Variants in POLR3B observed in about 807,000 individuals in gnomAD.
POLR3B encodes RNA polymerase III subunit B, also known as DNA-directed RNA polymerase III subunit RPC2.
In POLR3B, 96 loss-of-function variants were observed where a neutral mutation model predicts 147.4. The observed-to-expected ratio is 0.65, with a 90% CI of 0.55 to 0.77. The LOEUF (loss-of-function observed/expected upper bound fraction) is 0.77, where lower values mean the gene tolerates loss of function less well. Among genes scored for constraint, POLR3B ranks in the 30% least tolerant of loss-of-function variants. POLR3B has a pLI of 0.00. For missense variants in POLR3B, 1,036 were observed against 1,413.5 expected (o/e 0.73, Z 4.28); for synonymous variants, 461 against 485.9 (o/e 0.95, Z 0.67).
chr12:106,363,185 C>T (rs745719428), intron 1 of POLR3B, among the ~76,000 whole-genome samples: 38 of 152,156 alleles, frequency 2.5e-4, no homozygotes, highest in Middle Eastern at 6.3e-3. Flanking sequence ...AATTGCCATC[C>T]ACTTGTTAAT....
chr12:106,441,057 G>T (rs549327241), intron 18 of POLR3B, among the ~76,000 whole-genome samples: 2 of 152,186 alleles, frequency 1.3e-5, no homozygotes, highest in African/African-American at 4.8e-5. Context: ...TCCAGAAGTT[G>T]CCGATGCTAA....
intron 23 of POLR3B, among the ~76,000 whole-genome samples, chr12:106,477,891 C>CCTTTTTTTTTTTTTTTTTTTTTTTTT (rs1565909279): frequency 1.4e-5 from 1 of 70,548 alleles, no homozygotes. Flanking sequence ...GGCTCCTCCC[C>CCTTTTTTTTTTTTTTTTTTTTTTTTT]TTTTTTTTTT....
rs145991322 is a variant in POLR3B at position 106,501,404 on chromosome 12, C to T, written c.3066C>T (p.Ala1022=). 3 of 1,613,156 alleles carry T rather than the reference C, an allele frequency of 1.9e-6. No individual in the cohort carries two copies. The highest frequency in any genetic ancestry group is 1.1e-5 in the South Asian group (1 of 91,058). The stretch of plus-strand genomic sequence containing the variant: ...ACATGGTGCTAGATAAAATGCATGC[C>T]CGGGCCCGGGGCCCACGAGCCGTCC... ...LKHMVLDKMH[A]RARGPRAVLT... is the part of the protein sequence containing the mutation. Residue 1022 remains alanine (A), a synonymous_variant, in exon 26 of 28, where the codon GCC becomes GCT. Transcript: ENST00000228347.
chr12:106,496,998 TA>T, intron 25 of POLR3B, 80 bp downstream of exon 25: 1 of 1,340,826 alleles, frequency 7.5e-7, no homozygotes, highest in South Asian at 1.2e-5. Flanking sequence ...AGGTATACTC[TA>T]TTAAGTATAC....
At chr12:106,465,812 A>G (rs1434385315) in intron 23 of POLR3B, among the ~76,000 whole-genome samples, 1 of 152,218 alleles carries the variant, frequency 6.6e-6, no homozygotes, top group African/African-American at 2.4e-5. Flanking sequence ...TTATGGCTGC[A>G]TAGTATTCCA....
At position 106,430,386 on chromosome 12, in the gene POLR3B, T is replaced by C. The variant is rs1360115478; in HGVS notation, c.1377T>C (p.Phe459=). The C allele has an allele frequency of 6.2e-7, 1 of 1,613,826 alleles. No homozygotes were observed. The highest frequency in any genetic ancestry group is 1.7e-5 in the Admixed American group (1 of 59,972). ...TGATGACAAGAATCTCTTCCCAGTTTGAAAAAACGAGAAAAGTGAGTGGTC... is the reference window on the plus strand; with the variant it reads ...TGATGACAAGAATCTCTTCCCAGTTCGAAAAAACGAGAAAAGTGAGTGGTC... The part of the protein sequence containing the change: ...LGMMTRISSQ[F]EKTRKVSGPR... Residue 459 remains phenylalanine (F), a synonymous_variant, in exon 14 of 28, where the codon TTT becomes TTC. Transcript: ENST00000228347.
intron 9 of POLR3B, among the ~76,000 whole-genome samples, chr12:106,380,862 G>A (rs1019670595): frequency 2.6e-5 from 4 of 152,130 alleles, no homozygotes; most frequent in African/African-American, 9.7e-5. Flanking sequence ...GGCATACTTC[G>A]GAGATATTGC....
intron 22 of POLR3B, among the ~76,000 whole-genome samples, chr12:106,460,808 T>G (rs535675991): frequency 6.6e-6 from 1 of 152,340 alleles, no homozygotes; most frequent in African/African-American, 2.4e-5. Context: ...TGTTTCCTAT[T>G]GATTCCTTCT....
chr12:106,476,795 T>G (rs2038177486), intron 23 of POLR3B, among the ~76,000 whole-genome samples: 1 of 152,146 alleles, frequency 6.6e-6, no homozygotes. Context: ...TTTTCAACTT[T>G]CTTTGCCTTT....
At chr12:106,483,175 T>C (rs905010148) in intron 23 of POLR3B, among the ~76,000 whole-genome samples, 2 of 152,182 alleles carry the variant, frequency 1.3e-5, no homozygotes, top group Non-Finnish European at 2.9e-5. Context: ...GGAGAAGGGC[T>C]CACATTCCGC....
At position 106,442,606 on chromosome 12, in the gene POLR3B, A is replaced by G. The variant is rs186383863; in HGVS notation, c.1956-1857A>G. On this transcript the variant is annotated intron_variant, in intron 18 of 27. Coordinates refer to ENST00000228347, the MANE Select transcript of POLR3B (RefSeq NM_018082.6). ...GGCACTTTCTCTCACCAAACTAGGG[A>G]CATAATTTAATACATGTGTTTTGGA... is the stretch of plus-strand genomic sequence containing the variant. 3.4e-3 allele frequency among the ~76,000 whole-genome samples: 521 copies of G among 152,256 alleles called. 10 individuals are homozygous for G. The highest frequency in any genetic ancestry group is 0.03 in the Admixed American group (460 of 15,290).
intron 1 of POLR3B, 57 bp downstream of exon 1, chr12:106,358,008 TG>T: frequency 1.3e-6 from 2 of 1,595,398 alleles, no homozygotes; most frequent in Non-Finnish European, 1.7e-6. Context: ...GAGGGGGCGT[TG>T]CCCGGAGTGC....
chr12:106,469,720 G>T (rs867091604), intron 23 of POLR3B, among the ~76,000 whole-genome samples: 2 of 152,242 alleles, frequency 1.3e-5, no homozygotes, highest in South Asian at 4.2e-4. Context: ...GCTTAGTTTG[G>T]CTGGATATGA....
At chr12:106,363,801 A>G in intron 1 of POLR3B, 69 bp from the exon 2 acceptor site, 7 of 1,196,366 alleles carry the variant, frequency 5.9e-6, no homozygotes, top group Non-Finnish European at 8.6e-6. Flanking sequence ...ATTTTGGAAC[A>G]TTAAAATAAC....
In POLR3B at chr12:106,430,730, T is replaced by G. The variant is rs570839685; in HGVS notation, c.1464+257T>G. Among the ~76,000 whole-genome samples, 4 of 152,290 alleles carry G rather than the reference T, an allele frequency of 2.6e-5. No individual in the cohort carries two copies. The East Asian group carries it at 7.7e-4, about 29-fold the overall frequency. On this transcript the variant is annotated intron_variant, in intron 14 of 27. Coordinates refer to ENST00000228347, the MANE Select transcript of POLR3B (RefSeq NM_018082.6). ...TCCATGTTTCTCTTTATTATTTTAG[T>G]TTATCCCAAAATCAAAACATGCACA...
chr12:106,366,634 C>T, intron 3 of POLR3B, 24 bp from the exon 4 acceptor site: 1 of 1,609,484 alleles, frequency 6.2e-7, no homozygotes, highest in Non-Finnish European at 8.5e-7. Flanking sequence ...AGAGTCTTTG[C>T]TAATGTTGCA....
intron 4 of POLR3B, among the ~76,000 whole-genome samples, chr12:106,368,760 C>T (rs2036564187): frequency 6.6e-6 from 1 of 152,032 alleles, no homozygotes. Flanking sequence ...GTTAGACTTG[C>T]ACAAAAAAGT....
intron 4 of POLR3B, among the ~76,000 whole-genome samples, chr12:106,367,435 G>A (rs182131976): frequency 5.9e-5 from 9 of 152,266 alleles, no homozygotes; most frequent in Admixed American, 5.9e-4. Flanking sequence ...TCTCACAAAT[G>A]TCCTTTTTCT....
At chr12:106,441,115 C>T (rs1242669315) in intron 18 of POLR3B, among the ~76,000 whole-genome samples, 4 of 152,066 alleles carry the variant, frequency 2.6e-5, no homozygotes, top group East Asian at 1.9e-4. Context: ...TACAAACATA[C>T]ACACATGATT....
Sources: allele counts gnomAD v4.1 joint callset (sites outside exome capture counted in the v4.1 genomes callset), GRCh38; gene constraint gnomAD v4.1.1; transcripts MANE v1.5; gene names NCBI Gene and HGNC (gene_info 2026-07-23, HGNC 2026-07-21).